CUTC: variants seen among roughly 807,000 people sequenced by gnomAD.
The protein encoded by CUTC is copper homeostasis protein cutC homolog.
CUTC carries 27 observed loss-of-function variants against 36.2 expected under a neutral mutation model. The ratio of observed to expected loss-of-function variants is 0.75; its 90% CI spans 0.55 to 1.03. The LOEUF (loss-of-function observed/expected upper bound fraction) is 1.03, where lower values mean the gene tolerates loss of function less well. Among genes scored for constraint, CUTC ranks in the 50% least tolerant of loss-of-function variants. The probability of loss-of-function intolerance (pLI) is 0.00; values close to 1 mark genes in which losing one functional copy is unlikely to be tolerated. For synonymous variants in CUTC, 114 were observed against 118.3 expected (o/e 0.96, Z 0.24); for missense variants, 315 against 343.5 (o/e 0.92, Z 0.66).
At position 99,755,842 on chromosome 10, in the gene CUTC, C is replaced by A. The variant is rs2037453347; in HGVS notation, c.*103C>A. ...AACCTTCTTCTCTGGCCAGGACAGT[C>A]GCAATCTTTGTTTTAAGTTTCACAT... On this transcript the variant is annotated 3_prime_UTR_variant, in exon 9 of 9. Coordinates refer to ENST00000370476, the MANE Select transcript of CUTC (RefSeq NM_015960.3). 1.4e-6 allele frequency: 1 copy of A among 704,678 alleles called. No individual in the cohort carries two copies. Among genetic ancestry groups the A allele is most frequent in the Non-Finnish European group, 2.4e-6 (1 of 421,034 alleles). 43.7% of individuals were successfully genotyped at this position (704,678 alleles called of 1,614,324 possible). A position where few individuals can be genotyped will look rare whatever the true frequency, so the allele number is the denominator to read the frequency against.
At chr10:99,746,805 G>C (rs1039630831) in intron 5 of CUTC, among the ~76,000 whole-genome samples, 2 of 151,954 alleles carry the variant, frequency 1.3e-5, no homozygotes, top group Admixed American at 1.3e-4. Context: ...GACAAGTCTT[G>C]CTCTGTCGTC....
At chr10:99,744,136 C>T (rs2037361207) in intron 5 of CUTC, 64 bp downstream of exon 5, 3 of 1,320,006 alleles carry the variant, frequency 2.3e-6, no homozygotes. Flanking sequence ...CAACAACTGC[C>T]ACCACCTTTT....
At chr10:99,736,379 C>A in intron 2 of CUTC, 62 bp downstream of exon 2, 1 of 1,255,114 alleles carries the variant, frequency 8.0e-7, no homozygotes. Context: ...AAAATTAATC[C>A]TGTGTGCTTA....
In CUTC at chr10:99,755,669, A is replaced by G. The variant is rs1368380794; in HGVS notation, c.752A>G (p.Tyr251Cys). Residue 251 changes from tyrosine (Y) to cysteine (C), a missense_variant, in exon 9 of 9, where the codon TAT becomes TGT. Tyr to Cys is a radical substitution (Grantham distance 194). Transcript: ENST00000370476. ...AMGASLSCSEYSLKVTDVTKV... is the reference protein window; with the variant it reads ...AMGASLSCSECSLKVTDVTKV... Reference sequence around the variant, plus strand: ...GGAGCCTCACTTTCTTGCTCAGAATATTCCCTAAAGGTAACAGATGTGACC... The same window carrying G: ...GGAGCCTCACTTTCTTGCTCAGAATGTTCCCTAAAGGTAACAGATGTGACC... 1.2e-6 allele frequency: 2 copies of G among 1,613,878 alleles called. No homozygotes were observed.
intron 7 of CUTC, among the ~76,000 whole-genome samples, chr10:99,751,992 T>C (rs934604972): frequency 1.3e-5 from 2 of 152,198 alleles, no homozygotes; most frequent in Admixed American, 6.5e-5. Flanking sequence ...AGTTAAATCA[T>C]GAGGTTTGAA....
intron 7 of CUTC, among the ~76,000 whole-genome samples, chr10:99,753,584 A>G (rs1037987813): frequency 6.6e-6 from 1 of 152,080 alleles, no homozygotes; most frequent in East Asian, 1.9e-4. Context: ...TAATTTTTGT[A>G]TGTTTTTGTA....
At chr10:99,737,878 G>A (rs977030738) in intron 2 of CUTC, among the ~76,000 whole-genome samples, 10 of 152,122 alleles carry the variant, frequency 6.6e-5, no homozygotes, top group African/African-American at 2.4e-4. Context: ...GCCGGGCGCG[G>A]TGGCTCACAC....
chr10:99,732,607 C>A (rs2037224746), intron 1 of CUTC, 198 bp downstream of exon 1: 4 of 1,430,630 alleles, frequency 2.8e-6, no homozygotes, highest in Non-Finnish European at 2.7e-6. Context: ...GAGAATGGCT[C>A]AGCTGTGGAG....
Position 99,755,712 on chromosome 10 carries a change from T to C in CUTC, c.795T>C (p.Asn265=), listed in dbSNP as rs899130081. The C allele has an allele frequency of 2.5e-6, 4 of 1,613,278 alleles. No individual in the cohort carries two copies. The South Asian group carries it at 4.4e-5, about 18-fold the overall frequency. ...VTDVTKVRTL[N]AIAKNILV ...ATGTGACCAAAGTAAGGACTTTGAA[T>C]GCTATCGCAAAGAACATCCTGGTGT... The change falls in exon 9 of 9, where the codon AAT becomes AAC. Residue 265 remains asparagine, a synonymous_variant. Transcript: ENST00000370476.
intron 5 of CUTC, among the ~76,000 whole-genome samples, chr10:99,745,617 G>C (rs904515137): frequency 6.6e-6 from 1 of 152,236 alleles, no homozygotes; most frequent in African/African-American, 2.4e-5. Flanking sequence ...CTACCACTTT[G>C]GGAGACCGAG....
At chr10:99,733,241 G>A (rs1315523809) in intron 1 of CUTC, among the ~76,000 whole-genome samples, 2 of 152,008 alleles carry the variant, frequency 1.3e-5, no homozygotes, top group Non-Finnish European at 2.9e-5. Flanking sequence ...CCCGGGAGGC[G>A]GAGGTTGCAG....
intron 5 of CUTC, among the ~76,000 whole-genome samples, chr10:99,746,788 C>A (rs2037380604): frequency 6.6e-6 from 1 of 151,752 alleles, no homozygotes; most frequent in African/African-American, 2.4e-5. Flanking sequence ...TTTTATTTTT[C>A]TTTTGAGACA....
rs760322375 is a variant in CUTC, at chr10:99,747,302, T to C, written c.485T>C (p.Leu162Ser). 6.2e-7 allele frequency: 1 copy of C among 1,614,204 alleles called. No homozygotes were observed. The highest frequency in any genetic ancestry group is 1.7e-5 in the Admixed American group (1 of 60,028). Residue 162 changes from leucine (L) to serine (S), a missense_variant, in exon 6 of 9, where the codon TTA becomes TCA. Transcript: ENST00000370476. ...CCAATGGCAGCTCTGGAGACCCTCT[T>C]AACCTTGGGATTTGAACGCGTGTTG... ...HDPMAALETL[L>S]TLGFERVLTS...
rs1286091616 is a variant in CUTC, at chr10:99,736,199, G to A, written c.62-47G>A. 3 of 1,533,474 alleles carry A rather than the reference G, an allele frequency of 2.0e-6. No homozygotes were observed. In the South Asian group the frequency reaches 3.4e-5, roughly 17 times the overall value. 95.0% of individuals were successfully genotyped at this position (1,533,474 alleles called of 1,614,324 possible). A position where few individuals can be genotyped will look rare whatever the true frequency, so the allele number is the denominator to read the frequency against. ...AAACCCTTTGTGGTAAATTGGTCTG[G>A]ATGGATAGAACCTTTATGAACTCTT... On this transcript the variant is annotated intron_variant, in intron 1 of 8. Coordinates refer to ENST00000370476, the MANE Select transcript of CUTC (RefSeq NM_015960.3).
intron 1 of CUTC, among the ~76,000 whole-genome samples, chr10:99,734,640 A>G (rs1172891191): frequency 2.6e-5 from 4 of 152,134 alleles, no homozygotes; most frequent in African/African-American, 9.7e-5. Context: ...ATTTTTTTAA[A>G]TTATGTGCTC....
intron 5 of CUTC, among the ~76,000 whole-genome samples, chr10:99,745,985 G>A (rs868493254): frequency 1.6e-4 from 25 of 152,356 alleles, no homozygotes; most frequent in Admixed American, 9.8e-4. Context: ...TAATGAGAAT[G>A]TGAGCCAAGG....
chr10:99,736,768 A>G (rs1294402986), intron 2 of CUTC, among the ~76,000 whole-genome samples: 1 of 152,180 alleles, frequency 6.6e-6, no homozygotes, highest in African/African-American at 2.4e-5. Context: ...TTATGGAAAA[A>G]TAAACATATA....
At chr10:99,744,452 A>G (rs2037364089) in intron 5 of CUTC, among the ~76,000 whole-genome samples, 1 of 152,198 alleles carries the variant, frequency 6.6e-6, no homozygotes, top group Non-Finnish European at 1.5e-5. Flanking sequence ...GTGAAATGAA[A>G]GGTACTGTCT....
At chr10:99,747,976 T>G (rs1564657356) in intron 6 of CUTC, among the ~76,000 whole-genome samples, 1 of 152,180 alleles carries the variant, frequency 6.6e-6, no homozygotes, top group African/African-American at 2.4e-5. Context: ...TTTTTCTATT[T>G]TATGAGTTTT....
Sources: gnomAD v4.1 joint callset for allele counts (sites outside exome capture counted in the v4.1 genomes callset) on GRCh38, gnomAD v4.1.1 for gene constraint, MANE v1.5 for transcripts, NCBI Gene and HGNC (gene_info 2026-07-23, HGNC 2026-07-21) for gene names.